The following MED23 variants were observed in gnomAD, a reference collection of about 807,000 sequenced individuals.
MED23 encodes the protein mediator complex subunit 23.
Under a neutral mutation model 163.9 loss-of-function variants are expected in MED23, and 105 were observed. The observed-to-expected ratio is 0.64, with a 90% CI of 0.55 to 0.75. The LOEUF is 0.75. Among genes scored for constraint, MED23 ranks in the 30% least tolerant of loss-of-function variants. The probability of loss-of-function intolerance (pLI) is 0.00; values close to 1 mark genes in which losing one functional copy is unlikely to be tolerated. For synonymous variants in MED23, 561 were observed against 565.6 expected (o/e 0.99, Z 0.12); for missense variants, 1,054 against 1,649.0 (o/e 0.64, Z 6.25).
chr6:131,620,269 A>G lies in MED23; in HGVS notation c.597+359T>C, dbSNP rs555927777. ...ATAAGCACACAAAAATAAGATTAATATAACTGTTTTTTATAAAATACCCTT... is the reference window on the plus strand; with the variant it reads ...ATAAGCACACAAAAATAAGATTAATGTAACTGTTTTTTATAAAATACCCTT... On this transcript the variant is annotated intron_variant, in intron 7 of 28. Transcript: ENST00000368068. Among the ~76,000 whole-genome samples, 24 of 152,362 alleles carry G rather than the reference A, an allele frequency of 1.6e-4. No homozygotes were observed. In the South Asian group the frequency reaches 3.7e-3, roughly 24 times the overall value.
Position 131,598,243 on chromosome 6 carries a change from A to T in MED23, c.2607+44T>A. 1.9e-6 allele frequency: 3 copies of T among 1,562,646 alleles called. No individual in the cohort carries two copies. The East Asian group carries it at 6.7e-5, about 35-fold the overall frequency. On this transcript the variant is annotated intron_variant, in intron 20 of 28. Transcript: ENST00000368068. This position sits in a 1 kb window ranked among gnomAD's most constrained non-coding sequence, Gnocchi z 4.7. Reference sequence around the variant, plus strand: ...TTGGCATAACATATATTAGTCATACATCTTGATCTAAGAGAATAAGCTTAG... The same window carrying T: ...TTGGCATAACATATATTAGTCATACTTCTTGATCTAAGAGAATAAGCTTAG...
At chr6:131,606,810 A>G (rs1020344585) in intron 12 of MED23, among the ~76,000 whole-genome samples, 186 bp from the exon 13 acceptor site, 1 of 152,200 alleles carries the variant, frequency 6.6e-6, no homozygotes, top group African/African-American at 2.4e-5. Context: ...TTATTACAAG[A>G]TGCTTTATTT....
chr6:131,596,036 A>G lies in MED23; in HGVS notation c.2906T>C (p.Ile969Thr), dbSNP rs757638893. 5 of 1,614,012 alleles carry G rather than the reference A, an allele frequency of 3.1e-6. No homozygotes were observed. The highest frequency in any genetic ancestry group is 1.1e-5 in the South Asian group (1 of 91,082). The change falls in exon 22 of 29, where the codon ATA becomes ACA. Residue 969 changes from isoleucine (I) to threonine (T), a missense_variant. Transcript: ENST00000368068. ...VCLRFLPVFD[I>T]VIHRFLELLP... is the part of the protein sequence containing the mutation. ...CAACTCTAAAAATCTGTGGATTACT[A>G]TATCAAATACTGGAAGGAATCGAAG...
intron 22 of MED23, among the ~76,000 whole-genome samples, chr6:131,594,571 T>C (rs908438202): frequency 1.3e-5 from 2 of 152,156 alleles, no homozygotes; most frequent in African/African-American, 4.8e-5. Flanking sequence ...GTGGAAGCAA[T>C]TCCATTTCTG....
In MED23 at chr6:131,602,330, T is replaced by C. The variant is rs757980588; in HGVS notation, c.1983A>G (p.Val661=). The C allele has an allele frequency of 2.5e-6, 4 of 1,613,884 alleles. No homozygotes were observed. In the Admixed American group the frequency reaches 5.0e-5, roughly 20 times the overall value. ...RLITALGSSE[V]QPQFTRFLSD... Reference sequence around the variant, plus strand: ...TAAGGAAGCGTGTAAACTGCGGTTGTACCTCTGAGCTACCTAATGCTGTTA... The same window carrying C: ...TAAGGAAGCGTGTAAACTGCGGTTGCACCTCTGAGCTACCTAATGCTGTTA... The change falls in exon 17 of 29, where the codon GTA becomes GTG. Residue 661 remains valine (V), a synonymous_variant. Coordinates refer to ENST00000368068, the MANE Select transcript of MED23 (RefSeq NM_004830.4).
intron 10 of MED23, chr6:131,615,427 A>G: frequency 7.7e-7 from 1 of 1,304,504 alleles, no homozygotes; most frequent in East Asian, 3.1e-5. Flanking sequence ...AGTGACTATG[A>G]GGCCAGCCTC....
chr6:131,615,258 A>T, intron 10 of MED23: 1 of 1,574,482 alleles, frequency 6.4e-7, no homozygotes, highest in South Asian at 1.1e-5. Context: ...CTCTAAATGG[A>T]ATCAGTGGCT....
At chr6:131,575,625 C>A (rs939708302) in intron 30 of MED23, among the ~76,000 whole-genome samples, 1 of 152,178 alleles carries the variant, frequency 6.6e-6, no homozygotes, top group Non-Finnish European at 1.5e-5. Context: ...CAGCCCCAAT[C>A]CTAAAGATAG....
At chr6:131,579,320 C>A (rs753111447) in intron 30 of MED23, 3 of 1,609,302 alleles carry the variant, frequency 1.9e-6, no homozygotes, top group Admixed American at 1.7e-5. Flanking sequence ...GGGAATCTGG[C>A]ACAAAGGAAG....
At chr6:131,615,503 CAAAAAAAAAAAAAAA>C (rs917020235) in intron 10 of MED23, among the ~76,000 whole-genome samples, 14 of 14,148 alleles carry the variant, frequency 9.9e-4, no homozygotes, top group Non-Finnish European at 1.4e-3. Context: ...AAACACACAC[CAAAAAAAAAAAAAAA>C]AAAAAAAAAA....
chr6:131,627,767 C>T, intron 1 of MED23, 95 bp from the exon 2 acceptor site: 1 of 1,220,550 alleles, frequency 8.2e-7, no homozygotes, highest in Admixed American at 1.9e-5. Context: ...GGCAAGTCAC[C>T]TTAATCAGCT....
At chr6:131,592,304 C>G in intron 25 of MED23, 84 bp downstream of exon 25, 1 of 1,170,072 alleles carries the variant, frequency 8.5e-7, no homozygotes, top group Non-Finnish European at 1.3e-6. Flanking sequence ...ACAAGGGCAT[C>G]CTATATGCAT....
chr6:131,605,560 T>G (rs1775795796), intron 13 of MED23, 75 bp from the exon 14 acceptor site: 2 of 1,297,458 alleles, frequency 1.5e-6, no homozygotes, highest in Non-Finnish European at 2.1e-6. Context: ...TTTTTAAAAG[T>G]TCAATTTTAT....
intron 25 of MED23, chr6:131,591,773 G>A (rs532928163): frequency 9.7e-6 from 5 of 517,430 alleles, no homozygotes; most frequent in Non-Finnish European, 1.4e-5. Context: ...ACACTATGCA[G>A]TAAATCAATT....
chr6:131,599,804 G>A (rs1486431070), intron 18 of MED23, among the ~76,000 whole-genome samples: 3 of 151,028 alleles, frequency 2.0e-5, no homozygotes, highest in Non-Finnish European at 4.4e-5. Context: ...GTACAGTGGT[G>A]TGACCATAGT....
intron 3 of MED23, among the ~76,000 whole-genome samples, chr6:131,625,853 TGG>T (rs1380856116): frequency 6.6e-6 from 1 of 151,958 alleles, no homozygotes; most frequent in African/African-American, 2.4e-5. Flanking sequence ...CCGGGCGCGG[TGG>T]CTCATGCCTG....
At chr6:131,624,574 T>G (rs1350279190) in intron 4 of MED23, among the ~76,000 whole-genome samples, 2 of 152,212 alleles carry the variant, frequency 1.3e-5, no homozygotes, top group African/African-American at 4.8e-5. Context: ...TATTACTGTT[T>G]TAAGCCATAA....
At chr6:131,582,666 G>C (rs1773989211), downstream of MED23, 1 of 1,613,846 alleles carries the variant, frequency 6.2e-7, no homozygotes, top group Non-Finnish European at 8.5e-7. Flanking sequence ...CTGTATATCT[G>C]CCAAGGATAT....
intron 12 of MED23, among the ~76,000 whole-genome samples, chr6:131,607,611 C>T (rs1204389900): frequency 6.6e-6 from 1 of 152,046 alleles, no homozygotes. Context: ...CATCAAAATA[C>T]ATCACATTTT....
Sources: gnomAD v4.1 joint callset for allele counts (sites outside exome capture counted in the v4.1 genomes callset) on GRCh38, gnomAD v4.1.1 for gene constraint, Gnocchi (gnomAD v3.1) non-coding constraint, MANE v1.5 for transcripts, NCBI Gene and HGNC (gene_info 2026-07-23, HGNC 2026-07-21) for gene names.